SLC45A4: variants seen among roughly 807,000 people sequenced by gnomAD.
The protein encoded by SLC45A4 is solute carrier family 45 member 4, also known as polyamine-transporter SLC45A4.
A neutral mutation model predicts 63.7 loss-of-function variants in SLC45A4; 32 were observed. The observed-to-expected ratio is 0.50, with a 90% CI of 0.38 to 0.67. The LOEUF is 0.67. Among genes scored for constraint, SLC45A4 ranks in the 30% least tolerant of loss-of-function variants. The pLI, the probability that SLC45A4 is intolerant of heterozygous loss-of-function variation, is 0.00. For missense variants in SLC45A4, 1,027 were observed against 1,157.7 expected (o/e 0.89, Z 1.64); for synonymous variants, 535 against 510.0 (o/e 1.05, Z -0.66).
intron 1 of SLC45A4, among the ~76,000 whole-genome samples, chr8:141,255,118 G>A (rs578241726): frequency 2.0e-5 from 3 of 152,308 alleles, no homozygotes; most frequent in African/African-American, 7.2e-5. Context: ...TTAGTGACAA[G>A]GTCTCGCTCC....
chr8:141,220,793 G>T (rs1050371005), intron 3 of SLC45A4, among the ~76,000 whole-genome samples: 2 of 152,260 alleles, frequency 1.3e-5, no homozygotes, highest in African/African-American at 4.8e-5. Flanking sequence ...CCACCCCCAA[G>T]GACACAGCCC....
At chr8:141,249,544 T>C (rs1589811964) in intron 2 of SLC45A4, among the ~76,000 whole-genome samples, 1 of 152,052 alleles carries the variant, frequency 6.6e-6, no homozygotes, top group African/African-American at 2.4e-5. Flanking sequence ...AGGCTGGTGG[T>C]GGCTGGGGGC....
intron 1 of SLC45A4, among the ~76,000 whole-genome samples, chr8:141,268,290 C>G (rs1461114254): frequency 6.6e-6 from 1 of 152,134 alleles, no homozygotes; most frequent in African/African-American, 2.4e-5. Flanking sequence ...AAAGAAGCAG[C>G]GGTGACCAGG....
At chr8:141,250,446 G>C (rs1828410157) in intron 2 of SLC45A4, among the ~76,000 whole-genome samples, 1 of 151,314 alleles carries the variant, frequency 6.6e-6, no homozygotes. Context: ...ATTCAGGCTG[G>C]ATGATCATGG....
intron 2 of SLC45A4, chr8:141,225,356 G>C (rs1162137759): frequency 6.6e-6 from 1 of 152,234 alleles, no homozygotes; most frequent in Non-Finnish European, 1.5e-5. Flanking sequence ...GGTTCTTCAA[G>C]AAAGGCAGAG....
intron 2 of SLC45A4, chr8:141,224,241 A>G (rs139191908): frequency 6.6e-6 from 1 of 152,198 alleles, no homozygotes; most frequent in Non-Finnish European, 1.5e-5. Context: ...CTTGTATGTC[A>G]TGGATCCTTT....
intron 1 of SLC45A4, among the ~76,000 whole-genome samples, chr8:141,301,733 T>C (rs372094134): frequency 9.1e-5 from 1 of 10,934 alleles, no homozygotes; most frequent in Non-Finnish European, 2.2e-4. Context: ...AGACCCTATC[T>C]CAAAAAAAAA....
rs1427274860 is a variant in SLC45A4, at chr8:141,219,027, G to A, written c.613C>T (p.Leu205Phe). ...ALNIHAFSAG[L>F]GGAIGYVLGG... Reference sequence around the variant, plus strand: ...AGCACGTAGCCGATGGCTCCGCCGAGGCCTGCGTGGGAGGAAGCAGCAGCC... The same window carrying A: ...AGCACGTAGCCGATGGCTCCGCCGAAGCCTGCGTGGGAGGAAGCAGCAGCC... Residue 205 changes from leucine to phenylalanine, a missense_variant and splice_region_variant, in exon 5 of 9, where the codon CTC (leucine) becomes TTC (phenylalanine). Physicochemically the swap from Leu to Phe is conservative, Grantham distance 22. Transcript: ENST00000517878. 5.6e-6 allele frequency: 9 copies of A among 1,606,696 alleles called. No homozygotes were observed. Among genetic ancestry groups the A allele is most frequent in the Non-Finnish European group, 6.0e-6 (7 of 1,175,196 alleles).
At chr8:141,228,348 A>G (rs537216495) in intron 2 of SLC45A4, 12 of 1,580,872 alleles carry the variant, frequency 7.6e-6, no homozygotes, top group Non-Finnish European at 9.5e-6. Context: ...TTCAACAAGG[A>G]GGGGCGCCTC....
intron 1 of SLC45A4, among the ~76,000 whole-genome samples, chr8:141,305,242 A>T: frequency 6.6e-6 from 1 of 152,158 alleles, no homozygotes; most frequent in South Asian, 2.1e-4. Context: ...CTTGTCTAGG[A>T]GCCGGTGGGG....
chr8:141,227,812 G>A lies in SLC45A4; in HGVS notation c.242-6047C>T, dbSNP rs1033773193. Among the ~76,000 whole-genome samples the A allele has an allele frequency of 2.6e-5, 4 of 152,218 alleles. No homozygotes were observed. The highest frequency in any genetic ancestry group is 7.2e-5 in the African/African-American group (3 of 41,454). On this transcript the variant is annotated intron_variant, in intron 2 of 8. Coordinates refer to ENST00000517878, the MANE Select transcript of SLC45A4 (RefSeq NM_001286646.2). The surrounding 1 kb of genome is among the most constrained non-coding windows in gnomAD (Gnocchi z 4.4). Reference sequence around the variant, plus strand: ...TCCTGAGCCTACTACAAACCGGCCCGTCATTTAGGGTGGAGGGGACAGCAG... The same window carrying A: ...TCCTGAGCCTACTACAAACCGGCCCATCATTTAGGGTGGAGGGGACAGCAG...
chr8:141,261,900 G>C (rs1357667439), intron 1 of SLC45A4, among the ~76,000 whole-genome samples: 1 of 152,178 alleles, frequency 6.6e-6, no homozygotes, highest in Non-Finnish European at 1.5e-5. Context: ...AACCAATAAA[G>C]AGCCTGCATC....
At chr8:141,232,262 C>G (rs1037678619) in intron 2 of SLC45A4, among the ~76,000 whole-genome samples, 1 of 152,264 alleles carries the variant, frequency 6.6e-6, no homozygotes, top group Non-Finnish European at 1.5e-5. Context: ...CTGCTCTGTG[C>G]GCCATGCTTT....
At chr8:141,226,663 GGA>G (rs1827016574) in intron 2 of SLC45A4, 1 of 152,428 alleles carries the variant, frequency 6.6e-6, no homozygotes, top group African/African-American at 2.4e-5. Flanking sequence ...GGCCGAGGAT[GGA>G]GAGACAGGCC....
chr8:141,228,441 T>G, intron 2 of SLC45A4: 1 of 1,400,874 alleles, frequency 7.1e-7, no homozygotes, highest in Non-Finnish European at 9.3e-7. Context: ...CCGCAGCTGC[T>G]GTCCTGTCTC....
At chr8:141,270,045 C>T (rs1829453063) in intron 1 of SLC45A4, among the ~76,000 whole-genome samples, 1 of 152,126 alleles carries the variant, frequency 6.6e-6, no homozygotes, top group South Asian at 2.1e-4. Context: ...TCCTCCAGAC[C>T]CTTGCCCTGC....
chr8:141,257,514 C>T (rs1422482003), intron 1 of SLC45A4, among the ~76,000 whole-genome samples: 2 of 152,222 alleles, frequency 1.3e-5, no homozygotes, highest in Admixed American at 6.5e-5. Context: ...CCTGCTCAAT[C>T]GGCTCTTTGT....
intron 2 of SLC45A4, among the ~76,000 whole-genome samples, chr8:141,236,152 C>G (rs903998022): frequency 1.3e-5 from 2 of 152,146 alleles, no homozygotes; most frequent in Non-Finnish European, 2.9e-5. Context: ...GGATTCTCCC[C>G]TGCCTGCGTA....
At chr8:141,234,795 C>T (rs1309361424) in intron 2 of SLC45A4, among the ~76,000 whole-genome samples, 1 of 152,334 alleles carries the variant, frequency 6.6e-6, no homozygotes, top group East Asian at 1.9e-4. Context: ...GGACACAGCT[C>T]ACCTCCACGT....
Sources: allele counts gnomAD v4.1 joint callset (sites outside exome capture counted in the v4.1 genomes callset), GRCh38; gene constraint gnomAD v4.1.1; non-coding constraint Gnocchi (gnomAD v3.1); transcripts MANE v1.5; gene names NCBI Gene and HGNC (gene_info 2026-07-23, HGNC 2026-07-21).